SUMF1: variants seen among roughly 807,000 people sequenced by gnomAD.
SUMF1 encodes formylglycine-generating enzyme.
Under a neutral mutation model 47.6 loss-of-function variants are expected in SUMF1, and 48 were observed. The observed-to-expected ratio is 1.01, with a 90% CI of 0.80 to 1.28. The LOEUF is 1.28. Among genes scored for constraint, SUMF1 ranks in the 50% most tolerant of loss-of-function variants. The probability of loss-of-function intolerance (pLI) is 0.00; values close to 1 mark genes in which losing one functional copy is unlikely to be tolerated. For missense variants in SUMF1, 571 were observed against 485.4 expected, an observed-to-expected ratio of 1.18 and a Z score of -1.66; for synonymous variants, 230 against 192.1, an observed-to-expected ratio of 1.20 and a Z score of -1.63.
At chr3:4,369,093 A>C (rs1362367457) in intron 8 of SUMF1, among the ~76,000 whole-genome samples, 1 of 152,058 alleles carries the variant, frequency 6.6e-6, no homozygotes, top group Non-Finnish European at 1.5e-5. Context: ...AGAAAAGTAA[A>C]ATGCTTCTTG....
At chr3:4,144,053 C>T (rs1390272181) in intron 8 of SUMF1, among the ~76,000 whole-genome samples, 5 of 149,772 alleles carry the variant, frequency 3.3e-5, no homozygotes, top group Non-Finnish European at 5.9e-5. Flanking sequence ...TGTAGTGGCC[C>T]GATCTCGGCT....
At chr3:4,100,967 C>T (rs897849362) in intron 8 of SUMF1, among the ~76,000 whole-genome samples, 1 of 152,012 alleles carries the variant, frequency 6.6e-6, no homozygotes, top group Non-Finnish European at 1.5e-5. Flanking sequence ...CAACTCACAT[C>T]TGTTAGATAA....
intron 7 of SUMF1, among the ~76,000 whole-genome samples, chr3:4,377,895 T>C (rs1700379689): frequency 1.3e-5 from 2 of 152,228 alleles, no homozygotes; most frequent in Admixed American, 1.3e-4. Flanking sequence ...ACCCCACTCC[T>C]ATCTTAGTTT....
intron 8 of SUMF1, among the ~76,000 whole-genome samples, chr3:4,271,824 A>T (rs1697310111): frequency 6.6e-6 from 1 of 152,022 alleles, no homozygotes; most frequent in Non-Finnish European, 1.5e-5. Flanking sequence ...ACATTAATTA[A>T]AAACTAAAAT....
At chr3:4,172,987 G>C (rs936901924) in intron 8 of SUMF1, among the ~76,000 whole-genome samples, 1 of 152,100 alleles carries the variant, frequency 6.6e-6, no homozygotes, top group Non-Finnish European at 1.5e-5. Flanking sequence ...ATGGTTTTAA[G>C]TCTTAGTTTA....
chr3:4,084,028 G>T (rs999950098), intron 8 of SUMF1, among the ~76,000 whole-genome samples: 13 of 152,036 alleles, frequency 8.6e-5, no homozygotes, highest in Admixed American at 8.5e-4. Context: ...TTTCAAGATG[G>T]AATAGGAAAG....
At chr3:4,223,416 T>C (rs939528233) in intron 8 of SUMF1, among the ~76,000 whole-genome samples, 7 of 152,108 alleles carry the variant, frequency 4.6e-5, no homozygotes, top group Admixed American at 1.3e-4. Context: ...CCTTAAGACT[T>C]AAACAAGGTA....
chr3:4,166,989 C>T (rs544309751), intron 8 of SUMF1, among the ~76,000 whole-genome samples: 4 of 152,044 alleles, frequency 2.6e-5, no homozygotes, highest in Admixed American at 1.3e-4. Flanking sequence ...GTTTAGCCTC[C>T]GAATTCTAAG....
At chr3:4,459,438 G>A (rs1363301935) in intron 1 of SUMF1, among the ~76,000 whole-genome samples, 1 of 152,168 alleles carries the variant, frequency 6.6e-6, no homozygotes, top group Non-Finnish European at 1.5e-5. Context: ...AATACGGGCA[G>A]AAGCATTAGA....
chr3:4,176,615 A>C (rs1335139105), intron 8 of SUMF1, among the ~76,000 whole-genome samples: 1 of 152,216 alleles, frequency 6.6e-6, no homozygotes, highest in Non-Finnish European at 1.5e-5. Context: ...CGATGATAGA[A>C]AGAAACTACA....
chr3:4,316,770 C>G (rs753838651), intron 8 of SUMF1: 1 of 1,550,744 alleles, frequency 6.4e-7, no homozygotes. Context: ...GCCAATCTTG[C>G]ACCCAAAAAA....
intron 1 of SUMF1, among the ~76,000 whole-genome samples, chr3:4,459,062 A>G (rs2079742041): frequency 6.6e-6 from 1 of 152,188 alleles, no homozygotes; most frequent in Non-Finnish European, 1.5e-5. Flanking sequence ...GAAAGGAAAG[A>G]TGTTGATCAG....
At chr3:4,173,172 G>T (rs1694871876) in intron 8 of SUMF1, among the ~76,000 whole-genome samples, 1 of 152,138 alleles carries the variant, frequency 6.6e-6, no homozygotes, top group South Asian at 2.1e-4. Flanking sequence ...TATATGTGTG[G>T]TGTTATTTCT....
intron 7 of SUMF1, among the ~76,000 whole-genome samples, chr3:4,396,709 C>T (rs978006648): frequency 2.0e-5 from 3 of 152,162 alleles, no homozygotes; most frequent in Non-Finnish European, 4.4e-5. Context: ...AGATAAGCAA[C>T]TACAATCTTC....
intron 1 of SUMF1, among the ~76,000 whole-genome samples, chr3:4,463,642 G>A (rs567719253): frequency 5.9e-5 from 9 of 152,250 alleles, no homozygotes; most frequent in African/African-American, 1.9e-4. Flanking sequence ...TGGAAGAGAC[G>A]GCATTCGATT....
At chr3:4,098,974 A>T (rs571929453) in intron 8 of SUMF1, among the ~76,000 whole-genome samples, 1 of 152,242 alleles carries the variant, frequency 6.6e-6, no homozygotes, top group South Asian at 2.1e-4. Flanking sequence ...AGGGCCTCAG[A>T]AAATAGATTT....
intron 8 of SUMF1, among the ~76,000 whole-genome samples, chr3:4,068,908 T>C (rs900736442): frequency 1.3e-5 from 2 of 152,148 alleles, no homozygotes; most frequent in Non-Finnish European, 2.9e-5. Flanking sequence ...TGATTAAGTG[T>C]CTTGCCCCAG....
intron 8 of SUMF1, among the ~76,000 whole-genome samples, chr3:4,320,686 G>A (rs528755075): frequency 6.6e-6 from 1 of 152,298 alleles, no homozygotes; most frequent in East Asian, 1.9e-4. Flanking sequence ...TGAAGAATAG[G>A]CAATAGCCTG....
At chr3:4,153,327 T>C (rs2629233) in intron 8 of SUMF1, among the ~76,000 whole-genome samples, 53,597 of 151,084 alleles carry the variant, frequency 0.35, 10,066 homozygotes, top group East Asian at 0.4. Context: ...TCTGCCACTT[T>C]AACCTCTCAA....
Sources: allele counts gnomAD v4.1 joint callset (sites outside exome capture counted in the v4.1 genomes callset), GRCh38; gene constraint gnomAD v4.1.1; transcripts MANE v1.5; gene names NCBI Gene and HGNC (gene_info 2026-07-23, HGNC 2026-07-21).